Variants in LACTB2 observed in about 807,000 individuals in gnomAD.
LACTB2 encodes endoribonuclease LACTB2.
A neutral mutation model predicts 34.8 loss-of-function variants in LACTB2; 32 were observed. The ratio of observed to expected loss-of-function variants is 0.92; its 90% CI spans 0.69 to 1.24. LACTB2 has a LOEUF of 1.24. LACTB2 is among the 50% of genes most tolerant of loss of function. The pLI is 0.00. For synonymous variants in LACTB2, 120 were observed against 117.5 expected, an observed-to-expected ratio of 1.02 and a Z score of -0.14; for missense variants, 320 against 345.0, an observed-to-expected ratio of 0.93 and a Z score of 0.57.
intron 1 of LACTB2, among the ~76,000 whole-genome samples, chr8:70,668,244 GAAA>G (rs1818563139): frequency 6.6e-6 from 1 of 152,166 alleles, no homozygotes; most frequent in Non-Finnish European, 1.5e-5. Flanking sequence ...ATGCTCAAGA[GAAA>G]CTACATTATC....
At chr8:70,651,170 A>G (rs1452364159) in intron 3 of LACTB2, among the ~76,000 whole-genome samples, 1 of 152,192 alleles carries the variant, frequency 6.6e-6, no homozygotes, top group Non-Finnish European at 1.5e-5. Context: ...AATAGATATA[A>G]GGTATAAGAC....
rs10453107 is a variant in LACTB2 at position 70,645,602 on chromosome 8, G to A, written c.414-1359C>T. Among the ~76,000 whole-genome samples, 1,128 of 151,276 alleles carry A rather than the reference G, an allele frequency of 7.5e-3. 16 individuals are homozygous for A. The highest frequency in any genetic ancestry group is 0.026 in the African/African-American group (1,062 of 41,170). On this transcript the variant is annotated intron_variant, in intron 3 of 6. Transcript: ENST00000276590. ...GTTGGTGTGCTGCACCCAGTAACTCGTCATTTAACATTAGGTATATCTCCA... is the reference window on the plus strand; with the variant it reads ...GTTGGTGTGCTGCACCCAGTAACTCATCATTTAACATTAGGTATATCTCCA...
intron 2 of LACTB2, chr8:70,660,323 G>C (rs1818465835): frequency 3.3e-6 from 1 of 298,778 alleles, no homozygotes; most frequent in Non-Finnish European, 6.5e-6. Context: ...AATTAAAAGA[G>C]GTAAGACAAG....
chr8:70,658,621 G>A (rs1424521788), intron 2 of LACTB2, among the ~76,000 whole-genome samples: 1 of 152,178 alleles, frequency 6.6e-6, no homozygotes, highest in African/African-American at 2.4e-5. Flanking sequence ...GGAGTTCAGA[G>A]AGAGTTAGGA....
chr8:70,657,539 A>G (rs1276393487), intron 3 of LACTB2, among the ~76,000 whole-genome samples: 1 of 150,054 alleles, frequency 6.7e-6, no homozygotes, highest in Non-Finnish European at 1.5e-5. Flanking sequence ...TCAAGCAATC[A>G]TCTCATCTCA....
chr8:70,643,208 C>CTTTTTTT, intron 4 of LACTB2, among the ~76,000 whole-genome samples: 1 of 76,194 alleles, frequency 1.3e-5, no homozygotes, highest in Non-Finnish European at 2.5e-5. Flanking sequence ...GTGTATTTTC[C>CTTTTTTT]TTTTTTTTTT....
intron 1 of LACTB2, among the ~76,000 whole-genome samples, chr8:70,668,722 A>C (rs1248772334): frequency 6.6e-6 from 1 of 150,716 alleles, no homozygotes; most frequent in African/African-American, 2.5e-5. Flanking sequence ...AACATCAAGA[A>C]CAGTAAATCG....
intron 3 of LACTB2, among the ~76,000 whole-genome samples, chr8:70,645,493 CTT>C (rs949433328): frequency 1.6e-4 from 23 of 144,994 alleles, no homozygotes; most frequent in South Asian, 8.7e-4. Flanking sequence ...GAAAAAGACT[CTT>C]TTTTTTTTTT....
chr8:70,668,648 GCT>G (rs753494313), intron 1 of LACTB2, among the ~76,000 whole-genome samples: 2 of 151,782 alleles, frequency 1.3e-5, no homozygotes, highest in South Asian at 2.1e-4. Context: ...CAAAGTAAAC[GCT>G]TTCTTGGACT....
At chr8:70,668,120 G>A (rs1356788831) in intron 1 of LACTB2, among the ~76,000 whole-genome samples, 1 of 152,100 alleles carries the variant, frequency 6.6e-6, no homozygotes. Flanking sequence ...CTGGAAAAAC[G>A]CCAAACAGTA....
chr8:70,646,220 A>G (rs1446803270), intron 3 of LACTB2: 5 of 152,180 alleles, frequency 3.3e-5, no homozygotes, highest in African/African-American at 1.2e-4. Context: ...CATTGTGGTT[A>G]AGAGCTTCTG....
intron 1 of LACTB2, among the ~76,000 whole-genome samples, chr8:70,666,231 G>C (rs979770874): frequency 6.6e-6 from 1 of 152,124 alleles, no homozygotes; most frequent in Non-Finnish European, 1.5e-5. Context: ...TGTTATAGTG[G>C]GGTATGAAGG....
intron 3 of LACTB2, among the ~76,000 whole-genome samples, chr8:70,646,967 C>T (rs1161279620): frequency 1.3e-5 from 2 of 152,132 alleles, no homozygotes; most frequent in African/African-American, 2.4e-5. Flanking sequence ...GTACTTGGCA[C>T]TTAGTAGTAG....
At chr8:70,652,328 CAT>C (rs1163170724) in intron 3 of LACTB2, among the ~76,000 whole-genome samples, 3 of 152,136 alleles carry the variant, frequency 2.0e-5, no homozygotes, top group Non-Finnish European at 2.9e-5. Context: ...TAAAATATTA[CAT>C]GTTAATATTG....
intron 3 of LACTB2, among the ~76,000 whole-genome samples, chr8:70,649,634 G>A (rs1818313017): frequency 6.6e-6 from 1 of 152,132 alleles, no homozygotes; most frequent in Admixed American, 6.6e-5. Flanking sequence ...AGTGGGAGAA[G>A]AGGAAAACCC....
intron 3 of LACTB2, among the ~76,000 whole-genome samples, chr8:70,647,464 GGTGGTCTCAAACTCC>G (rs1404000502): frequency 6.6e-6 from 1 of 152,046 alleles, no homozygotes; most frequent in Non-Finnish European, 1.5e-5. Context: ...TGTTGGCCAG[GGTGGTCTCAAACTCC>G]TGACCTCAAG....
Position 70,669,139 on chromosome 8 carries a change from C to G in LACTB2, c.-19G>C, listed in dbSNP as rs1464919788. 6.2e-7 allele frequency: 1 copy of G among 1,611,510 alleles called. No individual in the cohort carries two copies. The highest frequency in any genetic ancestry group is 1.7e-4 in the Middle Eastern group (1 of 5,938). ...CAGCCATTCCCGCCTCAGCCGCCCG[C>G]CGGCGTGTCGCCTATCTGGATACTC... is the stretch of plus-strand genomic sequence containing the variant. On this transcript the variant is annotated 5_prime_UTR_variant, in exon 1 of 7. Transcript: ENST00000276590.
At chr8:70,658,566 C>T (rs1818442214) in intron 2 of LACTB2, among the ~76,000 whole-genome samples, 1 of 152,036 alleles carries the variant, frequency 6.6e-6, no homozygotes, top group Non-Finnish European at 1.5e-5. Flanking sequence ...TACTTGGTAC[C>T]ATTTAATGAA....
chr8:70,668,748 GTTTTTTT>G (rs990900411), intron 1 of LACTB2, among the ~76,000 whole-genome samples: 1,742 of 103,722 alleles, frequency 0.017, 64 homozygotes, highest in African/African-American at 0.065. Flanking sequence ...CAAAACAGAA[GTTTTTTT>G]TTTTTTTTTT....
Sources: gnomAD v4.1 joint callset for allele counts (sites outside exome capture counted in the v4.1 genomes callset) on GRCh38, gnomAD v4.1.1 for gene constraint, MANE v1.5 for transcripts, NCBI Gene and HGNC (gene_info 2026-07-23, HGNC 2026-07-21) for gene names.